Variants in KISS1 observed in about 807,000 individuals in gnomAD.
KISS1 encodes the protein KiSS-1 metastasis suppressor.
For synonymous variants in KISS1, 97 were observed against 88.7 expected, an observed-to-expected ratio of 1.09 and a Z score of -0.52; for missense variants, 182 against 182.7, an observed-to-expected ratio of 1.00 and a Z score of 0.02.
chr1:204,190,409 T>TTG lies in KISS1; in HGVS notation c.*74_*75insCA, dbSNP rs200451423. The stretch of plus-strand genomic sequence containing the variant: ...CAGCGCCCCCTCCCTTAGCCCTACG[T>TTG]CCCCGCCCCCCGCCCCCGCCCCGCA... On this transcript the variant is annotated 3_prime_UTR_variant, in exon 3 of 3. Transcript: ENST00000367194. The TTG allele has an allele frequency of 0.068, 38,858 of 568,744 alleles. 2,514 individuals carry two copies. The highest frequency in any genetic ancestry group is 0.2 in the African/African-American group (8,054 of 40,962). The allele number at this position is 568,744 out of a possible 1,614,324, so 35.2% of individuals were successfully genotyped here.
intron 1 of KISS1, among the ~76,000 whole-genome samples, chr1:204,195,715 T>TCACACACACACACA (rs36226771): frequency 2.1e-5 from 3 of 144,824 alleles, no homozygotes; most frequent in Non-Finnish European, 4.5e-5. Flanking sequence ...TACACACATA[T>TCACACACACACACA]CACACACACA....
chr1:204,195,132 GCACACA>G (rs750259853), intron 1 of KISS1, among the ~76,000 whole-genome samples: 1 of 6,644 alleles, frequency 1.5e-4, no homozygotes, highest in African/African-American at 4.4e-4. Flanking sequence ...CCTGACCCCA[GCACACA>G]CACACACACC....
chr1:204,195,177 AC>A (rs2102330482), intron 1 of KISS1, among the ~76,000 whole-genome samples: 3 of 150,710 alleles, frequency 2.0e-5, no homozygotes, highest in Non-Finnish European at 4.4e-5. Context: ...CACCACACAC[AC>A]CACACATGCA....
chr1:204,190,342 G>C lies in KISS1; in HGVS notation c.*142C>G, dbSNP rs1658708390. 2.3e-6 allele frequency: 2 copies of C among 882,138 alleles called. No homozygotes were observed. Among genetic ancestry groups the C allele is most frequent in the Non-Finnish European group, 3.6e-6 (2 of 555,056 alleles). The allele number at this position is 882,138 out of a possible 1,614,324, so 54.6% of individuals were successfully genotyped here. A position where few individuals can be genotyped will look rare whatever the true frequency, so the allele number is the denominator to read the frequency against. On this transcript the variant is annotated 3_prime_UTR_variant, in exon 3 of 3. Transcript: ENST00000367194. ...AATGAGCCGCAGACCACACGTCAGT[G>C]AGTTACGCAACATTTCTTTTATTGC...
At position 204,190,600 on chromosome 1, in the gene KISS1, C is replaced by T. The variant is rs1477069990; in HGVS notation, c.301G>A (p.Val101Met). Residue 101 changes from valine (V) to methionine (M), a missense_variant, in exon 3 of 3, where the codon GTG becomes ATG. By Grantham distance (21) the Val-to-Met change is conservative. Transcript: ENST00000367194. ...AGGTCCTTCTCCCGCTGCACCAGCA[C>T]CGCGCCCTGGGGTGCGGGGATCTGG... Reference protein sequence around the residue: ...SRQIPAPQGAVLVQREKDLPN... With the variant: ...SRQIPAPQGAMLVQREKDLPN... 6.3e-7 allele frequency: 1 copy of T among 1,595,650 alleles called. No homozygotes were observed. Among genetic ancestry groups the T allele is most frequent in the Non-Finnish European group, 8.5e-7 (1 of 1,171,434 alleles).
At chr1:204,195,260 AT>A in intron 1 of KISS1, among the ~76,000 whole-genome samples, 1 of 4,700 alleles carries the variant, frequency 2.1e-4, no homozygotes, top group Non-Finnish European at 4.6e-4. Context: ...CACACACATC[AT>A]ACACACACAC....
rs777835440 is a variant in KISS1, at chr1:204,192,877, C to G, written c.-1G>C. ...GCTGCCAAGAAACCAGTGAGTTCAT[C>G]TTGGTGAGAAGAGGCAGGTCCTAGA... On this transcript the variant is annotated 5_prime_UTR_variant, in exon 2 of 3. Coordinates refer to ENST00000367194, the MANE Select transcript of KISS1 (RefSeq NM_002256.4). This position sits in a 1 kb window ranked among gnomAD's most constrained non-coding sequence, Gnocchi z 4.2. 3 of 1,580,732 alleles carry G rather than the reference C, an allele frequency of 1.9e-6. No homozygotes were observed. Among genetic ancestry groups the G allele is most frequent in the Non-Finnish European group, 2.6e-6 (3 of 1,159,644 alleles).
Position 204,192,635 on chromosome 1 carries a change from G to A in KISS1, c.103+139C>T, listed in dbSNP as rs946897343. 3 of 688,874 alleles carry A rather than the reference G, an allele frequency of 4.4e-6. No homozygotes were observed. Among genetic ancestry groups the A allele is most frequent in the Non-Finnish European group, 5.3e-6 (2 of 374,152 alleles). 42.7% of individuals were successfully genotyped at this position (688,874 alleles called of 1,614,324 possible). A position where few individuals can be genotyped will look rare whatever the true frequency, so the allele number is the denominator to read the frequency against. On this transcript the variant is annotated intron_variant, in intron 2 of 2. Transcript: ENST00000367194. The surrounding 1 kb of genome is among the most constrained non-coding windows in gnomAD (Gnocchi z 4.2). ...AGGGTTAACAGGACCCCCTCAATGA[G>A]TTGCATGTGTGCCAGTCTTAGATTT...
At chr1:204,194,376 C>G (rs949216131) in intron 1 of KISS1, among the ~76,000 whole-genome samples, 2 of 152,204 alleles carry the variant, frequency 1.3e-5, no homozygotes, top group Non-Finnish European at 2.9e-5. Context: ...TACCTTAAGG[C>G]CCAGGGCTGG....
chr1:204,190,348 C>T lies in KISS1; in HGVS notation c.*136G>A, dbSNP rs1020165754. 8.6e-6 allele frequency: 8 copies of T among 930,326 alleles called. No individual in the cohort carries two copies. The highest frequency in any genetic ancestry group is 3.3e-5 in the African/African-American group (2 of 61,150). The allele number at this position is 930,326 out of a possible 1,614,324, so 57.6% of individuals were successfully genotyped here. A position where few individuals can be genotyped will look rare whatever the true frequency, so the allele number is the denominator to read the frequency against. ...CCGCAGACCACACGTCAGTGAGTTACGCAACATTTCTTTTATTGCCTCGGG... is the reference window on the plus strand; with the variant it reads ...CCGCAGACCACACGTCAGTGAGTTATGCAACATTTCTTTTATTGCCTCGGG... On this transcript the variant is annotated 3_prime_UTR_variant, in exon 3 of 3. Transcript: ENST00000367194.
At chr1:204,195,628 G>A (rs1438634333) in intron 1 of KISS1, among the ~76,000 whole-genome samples, 4 of 95,618 alleles carry the variant, frequency 4.2e-5, no homozygotes, top group African/African-American at 1.6e-4. Flanking sequence ...ACCCATACAC[G>A]TACATCATAC....
Position 204,190,506 on chromosome 1 carries a change from C to T in KISS1, c.395G>A (p.Gly132Asp), listed in dbSNP as rs1214820943. ...CCCTCAGCCCCGCCCAGCGCTTCTG[C>T]CGTGGTTCCCTGGTGCCGCCTCCCG... ...GKREAAPGNH[G>D]RSAGRG The change falls in exon 3 of 3, where the codon GGC becomes GAC. Residue 132 changes from glycine (G) to aspartate (D), a missense_variant. Physicochemically the swap from Gly to Asp is moderately conservative, Grantham distance 94. Coordinates refer to ENST00000367194, the MANE Select transcript of KISS1 (RefSeq NM_002256.4). The T allele has an allele frequency of 6.2e-7, 1 of 1,600,022 alleles. No homozygotes were observed. The highest frequency in any genetic ancestry group is 1.7e-5 in the Admixed American group (1 of 59,396).
chr1:204,193,092 C>A lies in KISS1; in HGVS notation c.-38-178G>T, dbSNP rs1294713265. ...ATATCAGTGAAATGGGATTGAGACTCTTTACACAGTGTAGTTAAAGCTGAA... is the reference window on the plus strand; with the variant it reads ...ATATCAGTGAAATGGGATTGAGACTATTTACACAGTGTAGTTAAAGCTGAA... On this transcript the variant is annotated intron_variant, in intron 1 of 2. Transcript: ENST00000367194. Among the ~76,000 whole-genome samples, 3 of 152,162 alleles carry A rather than the reference C, an allele frequency of 2.0e-5. No homozygotes were observed. In the East Asian group the frequency reaches 5.8e-4, roughly 29 times the overall value.
intron 1 of KISS1, among the ~76,000 whole-genome samples, chr1:204,195,662 C>T (rs1018902643): frequency 2.0e-5 from 3 of 151,188 alleles, no homozygotes; most frequent in Admixed American, 2.0e-4. Flanking sequence ...ACATACACCA[C>T]ACATGCGCAC....
intron 2 of KISS1, among the ~76,000 whole-genome samples, chr1:204,191,842 G>A (rs1468130669): frequency 6.6e-6 from 1 of 152,178 alleles, no homozygotes; most frequent in African/African-American, 2.4e-5. Context: ...CACTGTTCAG[G>A]CTGCTGTTGG....
intron 1 of KISS1, among the ~76,000 whole-genome samples, 197 bp downstream of exon 1, chr1:204,196,179 C>T (rs891243541): frequency 1.3e-5 from 2 of 152,186 alleles, no homozygotes; most frequent in East Asian, 1.9e-4. Flanking sequence ...AAATAAAGTG[C>T]GACTCAGTGT....
chr1:204,195,212 C>CACATACACCCAT (rs1558254567), intron 1 of KISS1, among the ~76,000 whole-genome samples: 1 of 1,606 alleles, frequency 6.2e-4, no homozygotes, highest in Non-Finnish European at 1.3e-3. Flanking sequence ...CACATATATA[C>CACATACACCCAT]GCACACACCC....
intron 1 of KISS1, among the ~76,000 whole-genome samples, chr1:204,195,352 C>T (rs1399667095): frequency 4.1e-5 from 6 of 145,240 alleles, no homozygotes; most frequent in African/African-American, 1.6e-4. Flanking sequence ...ATACACACCA[C>T]ACACATATAC....
At chr1:204,191,276 G>C (rs947229471) in intron 2 of KISS1, among the ~76,000 whole-genome samples, 5 of 152,284 alleles carry the variant, frequency 3.3e-5, no homozygotes, top group African/African-American at 1.2e-4. Flanking sequence ...CAGAAATCGA[G>C]AAAGTGGAGC....
Sources: allele counts gnomAD v4.1 joint callset (sites outside exome capture counted in the v4.1 genomes callset), GRCh38; gene constraint gnomAD v4.1.1; non-coding constraint Gnocchi (gnomAD v3.1); transcripts MANE v1.5; gene names NCBI Gene and HGNC (gene_info 2026-07-23, HGNC 2026-07-21).